Variants in STYX observed in about 807,000 individuals in gnomAD.
STYX encodes the protein serine/threonine/tyrosine-interacting protein.
In STYX, 20 loss-of-function variants were observed where a neutral mutation model predicts 42.7. The ratio of observed to expected loss-of-function variants is 0.47; its 90% CI spans 0.33 to 0.68. The LOEUF is 0.68. STYX is among the 30% of genes least tolerant of loss of function. The pLI is 0.02. For synonymous variants in STYX, 78 were observed against 81.9 expected, an observed-to-expected ratio of 0.95 and a Z score of 0.26; for missense variants, 226 against 268.5, an observed-to-expected ratio of 0.84 and a Z score of 1.11.
At chr14:52,740,724 C>T (rs553725985) in intron 1 of STYX, among the ~76,000 whole-genome samples, 6 of 152,268 alleles carry the variant, frequency 3.9e-5, no homozygotes, top group African/African-American at 1.2e-4. Flanking sequence ...GATTGTCCTT[C>T]CTTTGTGTGT....
intron 1 of STYX, among the ~76,000 whole-genome samples, chr14:52,739,378 C>T (rs565209925): frequency 2.2e-4 from 33 of 151,934 alleles, no homozygotes; most frequent in African/African-American, 7.2e-4. Flanking sequence ...TTCAAAAGTA[C>T]TCATTTCTTT....
chr14:52,748,548 AC>A (rs752280656), intron 3 of STYX, among the ~76,000 whole-genome samples: 49 of 152,280 alleles, frequency 3.2e-4, no homozygotes, highest in Non-Finnish European at 6.9e-4. Context: ...AAGTTTTTCT[AC>A]TGTTTTTAAA....
chr14:52,766,136 A>G (rs1190301750), intron 9 of STYX, among the ~76,000 whole-genome samples: 1 of 152,042 alleles, frequency 6.6e-6, no homozygotes, highest in African/African-American at 2.4e-5. Flanking sequence ...AGCTGGGACC[A>G]TGGGTGCACA....
intron 1 of STYX, among the ~76,000 whole-genome samples, chr14:52,736,139 A>C (rs1009461435): frequency 6.6e-6 from 1 of 151,832 alleles, no homozygotes; most frequent in African/African-American, 2.4e-5. Flanking sequence ...TATGTTTGCT[A>C]TTTTCCCCTG....
At chr14:52,750,921 A>C in intron 4 of STYX, 141 bp downstream of exon 4, 1 of 476,614 alleles carries the variant, frequency 2.1e-6, no homozygotes. Flanking sequence ...TTTACTTAAA[A>C]TACTTAAATA....
rs975559412 is a variant in STYX at position 52,771,829 on chromosome 14, G to A, written c.*723G>A. On this transcript the variant is annotated 3_prime_UTR_variant, in exon 11 of 11. Coordinates refer to ENST00000354586, the MANE Select transcript of STYX (RefSeq NM_145251.4). ...ACAGTTTCCATGATAAAAGGAAAAC[G>A]TTTTGATTTATAGTACCAAGTGCTT... The A allele has an allele frequency of 3.9e-5, 6 of 152,166 alleles. No individual in the cohort carries two copies. The highest frequency in any genetic ancestry group is 7.3e-5 in the African/African-American group (3 of 41,346). The allele number at this position is 152,166 out of a possible 1,614,324, so 9.4% of individuals were successfully genotyped here.
intron 3 of STYX, among the ~76,000 whole-genome samples, chr14:52,747,697 C>T (rs1881442846): frequency 6.6e-6 from 1 of 152,166 alleles, no homozygotes; most frequent in Admixed American, 6.5e-5. Context: ...AATATACATA[C>T]AGTATTTATC....
chr14:52,768,762 G>A (rs1882403178), intron 9 of STYX, 78 bp from the exon 10 acceptor site: 2 of 960,596 alleles, frequency 2.1e-6, no homozygotes, highest in Admixed American at 2.6e-5. Flanking sequence ...AATACCAACA[G>A]TGTATACATT....
intron 4 of STYX, among the ~76,000 whole-genome samples, chr14:52,752,875 TG>T (rs1269536860): frequency 1.2e-4 from 16 of 132,166 alleles, no homozygotes; most frequent in African/African-American, 4.6e-4. Flanking sequence ...TTTTTTTTGT[TG>T]TTGTTGTTTT....
intron 9 of STYX, among the ~76,000 whole-genome samples, chr14:52,767,309 A>C (rs1329752399): frequency 6.6e-6 from 1 of 152,182 alleles, no homozygotes; most frequent in Non-Finnish European, 1.5e-5. Context: ...CAAAGTCCCC[A>C]CATTAAGTGT....
intron 10 of STYX, among the ~76,000 whole-genome samples, chr14:52,770,513 T>C (rs1183698883): frequency 6.6e-6 from 1 of 152,124 alleles, no homozygotes; most frequent in Non-Finnish European, 1.5e-5. Flanking sequence ...GTATGAAGAA[T>C]AGATAAAAGA....
intron 2 of STYX, 39 bp downstream of exon 2, chr14:52,744,923 A>G (rs1594868897): frequency 3.1e-6 from 5 of 1,599,986 alleles, no homozygotes; most frequent in Non-Finnish European, 4.3e-6. Context: ...AACCCATGTT[A>G]TTATCATAAT....
chr14:52,754,953 T>C (rs1881791352), intron 4 of STYX, among the ~76,000 whole-genome samples: 1 of 152,172 alleles, frequency 6.6e-6, no homozygotes, highest in Admixed American at 6.5e-5. Flanking sequence ...CGTTAAAATA[T>C]TTAATTTCAT....
At chr14:52,731,381 A>G (rs889518350) in intron 1 of STYX, among the ~76,000 whole-genome samples, 2 of 151,100 alleles carry the variant, frequency 1.3e-5, no homozygotes, top group African/African-American at 4.9e-5. Context: ...TTAGGAGACC[A>G]TTCAATTTAT....
At chr14:52,750,661 C>G (rs773067205) in intron 3 of STYX, 22 bp from the exon 4 acceptor site, 3 of 1,410,274 alleles carry the variant, frequency 2.1e-6, no homozygotes, top group South Asian at 1.3e-5. Flanking sequence ...CCTGTCCTCC[C>G]CCTGCTTTTT....
At chr14:52,735,747 C>G (rs1175804798) in intron 1 of STYX, among the ~76,000 whole-genome samples, 1 of 152,098 alleles carries the variant, frequency 6.6e-6, no homozygotes, top group East Asian at 1.9e-4. Context: ...GCAGAGAGTT[C>G]AGGGAATGCT....
chr14:52,754,377 A>ATTT (rs571855962), intron 4 of STYX, among the ~76,000 whole-genome samples: 4 of 137,976 alleles, frequency 2.9e-5, no homozygotes, highest in East Asian at 4.3e-4. Context: ...GATCGGGCTA[A>ATTT]TTTTTTTTTT....
intron 9 of STYX, among the ~76,000 whole-genome samples, chr14:52,765,731 A>G (rs891876861): frequency 3.0e-4 from 45 of 152,156 alleles, no homozygotes; most frequent in African/African-American, 1.0e-3. Context: ...ATCAGGCATT[A>G]GTTAAGGAGT....
chr14:52,744,900 C>T lies in STYX; in HGVS notation c.90+16C>T. On this transcript the variant is annotated intron_variant, in intron 2 of 10. Transcript: ENST00000354586. The stretch of plus-strand genomic sequence containing the variant: ...AGAGATGCAGGTATGGCAACCTTTT[C>T]TTTGTTCAAACCAACCCATGTTATT... The T allele has an allele frequency of 2.5e-6, 4 of 1,612,638 alleles. No individual in the cohort carries two copies. Among genetic ancestry groups the T allele is most frequent in the Non-Finnish European group, 3.4e-6 (4 of 1,179,426 alleles).
Sources: gnomAD v4.1 joint callset for allele counts (sites outside exome capture counted in the v4.1 genomes callset) on GRCh38, gnomAD v4.1.1 for gene constraint, MANE v1.5 for transcripts, NCBI Gene and HGNC (gene_info 2026-07-23, HGNC 2026-07-21) for gene names.